Variants in OTOF observed in about 807,000 individuals in gnomAD.
OTOF encodes the protein fer-1-like family member 2.
Under a neutral mutation model 236.8 loss-of-function variants are expected in OTOF, and 218 were observed. The observed-to-expected ratio is 0.92, with a 90% CI of 0.82 to 1.03. OTOF has a LOEUF of 1.03. OTOF is among the 50% of genes least tolerant of loss of function. The pLI, the probability that OTOF is intolerant of heterozygous loss-of-function variation, is 0.00. For synonymous variants in OTOF, 1,041 were observed against 1,072.5 expected (o/e 0.97, Z 0.57); for missense variants, 2,590 against 2,694.4 (o/e 0.96, Z 0.86).
chr2:26,505,994 A>G lies in OTOF; in HGVS notation c.510-2149T>C, dbSNP rs571129367. ...TGGTGACATAACATTGAACAGATCA[A>G]TGAACCCACCAGAAATAATCGTGTG... On this transcript the variant is annotated intron_variant, in intron 5 of 46. Coordinates refer to ENST00000272371, the MANE Select transcript of OTOF (RefSeq NM_194248.3). Among the ~76,000 whole-genome samples the G allele has an allele frequency of 4.6e-5, 7 of 152,336 alleles. No individual in the cohort carries two copies. In the South Asian group the frequency reaches 1.4e-3, roughly 32 times the overall value.
rs200785748 is a variant in OTOF, at chr2:26,483,668, G to A, written c.1206-20C>T. 1.2e-6 allele frequency: 2 copies of A among 1,609,796 alleles called. No individual in the cohort carries two copies. The highest frequency in any genetic ancestry group is 3.3e-5 in the Admixed American group (2 of 59,848). On this transcript the variant is annotated intron_variant, in intron 12 of 46. Transcript: ENST00000272371. ...AAGTTCCTGCCAGCACATACAGCCA[G>A]GGCCATGGTCACCAGGTCCAGGTCC...
chr2:26,477,468 G>T lies in OTOF; in HGVS notation c.2354C>A (p.Ser785Ter). The change falls in exon 20 of 47, where the codon TCA (serine) becomes TAA (stop). Residue 785 changes from serine to a stop codon, truncating the protein, a stop_gained. Coordinates refer to ENST00000272371, the MANE Select transcript of OTOF (RefSeq NM_194248.3). LOFTEE classifies it high-confidence loss of function. This position sits in a 1 kb window ranked among gnomAD's most constrained non-coding sequence, Gnocchi z 4.7. ...CTCCCGGTCAAGCCTGGTGCGGGATGAGTGGCCCTGGTCCTTGTCAGCGAG... is the reference window on the plus strand; with the variant it reads ...CTCCCGGTCAAGCCTGGTGCGGGATTAGTGGCCCTGGTCCTTGTCAGCGAG... ...LSLADKDQGH[S>*]SRTRLDRERL... 6.2e-7 allele frequency: 1 copy of T among 1,603,692 alleles called. No homozygotes were observed. Among genetic ancestry groups the T allele is most frequent in the South Asian group, 1.1e-5 (1 of 89,064 alleles).
At chr2:26,508,986 G>A (rs1666317735) in intron 5 of OTOF, among the ~76,000 whole-genome samples, 1 of 152,194 alleles carries the variant, frequency 6.6e-6, no homozygotes, top group Non-Finnish European at 1.5e-5. Context: ...TAAGAAATTA[G>A]GACAGAGAAG....
rs1664695254 is a variant in OTOF, at chr2:26,465,747, TC to T, written c.4723del (p.Glu1575LysfsTer36). 1.2e-6 allele frequency: 2 copies of T among 1,614,090 alleles called. No homozygotes were observed. Among genetic ancestry groups the T allele is most frequent in the Non-Finnish European group, 1.7e-6 (2 of 1,180,038 alleles). The stretch of plus-strand genomic sequence containing the variant: ...GCGGTTCTCCAGGTCGATCTTGGTT[TC>T]CCCAATGAGGTCATCAGTGCCCACC... ...DLVGTDDLIG[E>X]TKIDLENRFY... On this transcript the variant is annotated frameshift_variant, in exon 38 of 47. Transcript: ENST00000272371. LOFTEE classifies it high-confidence loss of function.
intron 5 of OTOF, chr2:26,510,759 G>A (rs1666365613): frequency 7.0e-6 from 9 of 1,288,582 alleles, no homozygotes; most frequent in Admixed American, 2.3e-5. Context: ...GCTGAGTAGG[G>A]GGAAGAAATG....
At chr2:26,481,078 T>C (rs1665529947) in intron 14 of OTOF, 69 bp from the exon 15 acceptor site, 1 of 1,180,270 alleles carries the variant, frequency 8.5e-7, no homozygotes, top group Admixed American at 1.9e-5. Context: ...AGGGGCCTCT[T>C]TTGGGGGTCC....
In OTOF at chr2:26,477,045, T is replaced by TG. The variant is rs749602190; in HGVS notation, c.2524-3dup. Reference sequence around the variant, plus strand: ...GATGTCGGGAATGCTGTGCTGGGGCTGGGGGTTGGGGGGTGGCCAGGGGCA... The same window carrying TG: ...GATGTCGGGAATGCTGTGCTGGGGCTGGGGGGTTGGGGGGTGGCCAGGGGCA... On this transcript the variant is annotated splice_polypyrimidine_tract_variant and splice_region_variant and intron_variant, in intron 21 of 46. Transcript: ENST00000272371. The surrounding 1 kb of genome is among the most constrained non-coding windows in gnomAD (Gnocchi z 4.7). The TG allele has an allele frequency of 7.4e-6, 8 of 1,075,264 alleles. No homozygotes were observed. The highest frequency in any genetic ancestry group is 6.8e-6 in the Non-Finnish European group (5 of 740,160). 66.6% of individuals were successfully genotyped at this position (1,075,264 alleles called of 1,614,324 possible). A position where few individuals can be genotyped will look rare whatever the true frequency, so the allele number is the denominator to read the frequency against.
intron 1 of OTOF, among the ~76,000 whole-genome samples, chr2:26,542,286 A>G (rs1667228198): frequency 6.6e-6 from 1 of 152,146 alleles, no homozygotes; most frequent in African/African-American, 2.4e-5. Flanking sequence ...ATTCATTTCC[A>G]CAGGCAACCA....
intron 8 of OTOF, among the ~76,000 whole-genome samples, chr2:26,497,590 T>C (rs181914456): frequency 4.6e-5 from 7 of 151,792 alleles, no homozygotes; most frequent in African/African-American, 1.5e-4. Context: ...TGAGGGTGAT[T>C]AAAAATCTAC....
intron 4 of OTOF, among the ~76,000 whole-genome samples, chr2:26,518,331 A>C (rs2148101318): frequency 6.6e-6 from 1 of 152,342 alleles, no homozygotes; most frequent in East Asian, 1.9e-4. Flanking sequence ...AATTGTGCTC[A>C]CTTTGAGGTG....
At chr2:26,482,936 T>G (rs1300299364) in intron 13 of OTOF, among the ~76,000 whole-genome samples, 1 of 149,844 alleles carries the variant, frequency 6.7e-6, no homozygotes, top group Non-Finnish European at 1.5e-5. Context: ...GGTGCATGTA[T>G]GTATTCGTGG....
Position 26,473,968 on chromosome 2 carries a change from A to C in OTOF, c.3408+23T>G. On this transcript the variant is annotated intron_variant, in intron 27 of 46. Coordinates refer to ENST00000272371, the MANE Select transcript of OTOF (RefSeq NM_194248.3). The surrounding 1 kb of genome is among the most constrained non-coding windows in gnomAD (Gnocchi z 7.2). ...CCTCAGACTCCTCATCCAAAAGGGA[A>C]GGGCCACACAGAGCCCTCGCACCTC... 4 of 1,612,604 alleles carry C rather than the reference A, an allele frequency of 2.5e-6. No homozygotes were observed. Among genetic ancestry groups the C allele is most frequent in the Non-Finnish European group, 3.4e-6 (4 of 1,179,762 alleles).
intron 14 of OTOF, 33 bp from the exon 15 acceptor site, chr2:26,481,042 C>T (rs535359897): frequency 2.6e-5 from 40 of 1,526,956 alleles, no homozygotes; most frequent in South Asian, 1.8e-4. Flanking sequence ...GAGGGGGCAG[C>T]GTCACATCCA....
At chr2:26,469,269 A>G (rs558300034) in intron 32 of OTOF, among the ~76,000 whole-genome samples, 4 of 152,218 alleles carry the variant, frequency 2.6e-5, no homozygotes, top group Non-Finnish European at 4.4e-5. Context: ...CCAGGTTTCA[A>G]CTAAGTCGCC....
At position 26,461,821 on chromosome 2, in the gene OTOF, T is replaced by G. The variant is rs1664478668; in HGVS notation, c.5408A>C (p.Glu1803Ala). Residue 1803 changes from glutamate to alanine, a missense_variant, in exon 43 of 47, where the codon GAG becomes GCG. Glu to Ala is a moderately radical substitution (Grantham distance 107, BLOSUM62 -1). Transcript: ENST00000272371. The surrounding 1 kb of genome is among the most constrained non-coding windows in gnomAD (Gnocchi z 6.2). ...YLFPFDYLAA[E>A]EKIVISKKES... ...CTTCTTGGAGATGACGATCTTCTCC[T>G]CCGCCGCCAGGTAGTCGAAGGGGAA... 4 of 1,614,176 alleles carry G rather than the reference T, an allele frequency of 2.5e-6. No homozygotes were observed. The highest frequency in any genetic ancestry group is 3.4e-6 in the Non-Finnish European group (4 of 1,180,022).
intron 40 of OTOF, 22 bp from the exon 41 acceptor site, chr2:26,463,593 G>A (rs1424807653): frequency 3.8e-6 from 6 of 1,562,104 alleles, no homozygotes; most frequent in Non-Finnish European, 5.2e-6. Flanking sequence ...GGTTGTGGCA[G>A]ATCTCCCAGG....
intron 13 of OTOF, 52 bp downstream of exon 13, chr2:26,483,410 C>T (rs1408876821): frequency 1.3e-6 from 2 of 1,555,850 alleles, no homozygotes; most frequent in South Asian, 1.1e-5. Context: ...TCAGCCTGCC[C>T]TTGTGATACC....
intron 8 of OTOF, among the ~76,000 whole-genome samples, chr2:26,500,329 G>A (rs539166996): frequency 1.3e-5 from 2 of 152,278 alleles, no homozygotes; most frequent in African/African-American, 4.8e-5. Context: ...CACAGTGCCT[G>A]GCATAGAATA....
chr2:26,511,397 T>C (rs1431374328), intron 5 of OTOF, among the ~76,000 whole-genome samples: 1 of 152,190 alleles, frequency 6.6e-6, no homozygotes, highest in Non-Finnish European at 1.5e-5. Flanking sequence ...TTAGGGAGGC[T>C]TCCAGAAAAC....
Sources: gnomAD v4.1 joint callset for allele counts (sites outside exome capture counted in the v4.1 genomes callset) on GRCh38, gnomAD v4.1.1 for gene constraint, Gnocchi (gnomAD v3.1) non-coding constraint, MANE v1.5 for transcripts, NCBI Gene and HGNC (gene_info 2026-07-23, HGNC 2026-07-21) for gene names.